GLG1: variants seen among roughly 807,000 people sequenced by gnomAD.
GLG1 encodes Golgi apparatus protein 1.
A neutral mutation model predicts 160.5 loss-of-function variants in GLG1; 38 were observed. That is an observed-to-expected ratio of 0.24 (90% CI 0.18 to 0.31). The LOEUF (loss-of-function observed/expected upper bound fraction) is 0.31, where lower values mean the gene tolerates loss of function less well. Among genes scored for constraint, GLG1 ranks in the 10% least tolerant of loss-of-function variants. The pLI, the probability that GLG1 is intolerant of heterozygous loss-of-function variation, is 1.00. For synonymous variants in GLG1, 644 were observed against 543.4 expected, an observed-to-expected ratio of 1.19 and a Z score of -2.57; for missense variants, 1,373 against 1,505.2, an observed-to-expected ratio of 0.91 and a Z score of 1.45.
chr16:74,506,792 G>C (rs1034395000), intron 3 of GLG1, among the ~76,000 whole-genome samples: 4 of 151,992 alleles, frequency 2.6e-5, no homozygotes, highest in African/African-American at 9.7e-5. Context: ...CATTCTGCTG[G>C]ATAGCACTTT....
At position 74,581,159 on chromosome 16, in the gene GLG1, T is replaced by C. The variant is rs575419760; in HGVS notation, c.438+25498A>G. On this transcript the variant is annotated intron_variant, in intron 1 of 25. Coordinates refer to ENST00000422840, the MANE Select transcript of GLG1 (RefSeq NM_001145667.2). ...CTACTGGGTATATACCAAAAAAAAG[T>C]GAACACAGGGTCTCAAAGAGATATT... 1.4e-3 allele frequency among the ~76,000 whole-genome samples: 213 copies of C among 152,172 alleles called. 1 individual carries two copies. The highest frequency in any genetic ancestry group is 0.01 in the Middle Eastern group (3 of 294).
chr16:74,589,388 C>T (rs758836876), intron 1 of GLG1, among the ~76,000 whole-genome samples: 1 of 152,156 alleles, frequency 6.6e-6, no homozygotes, highest in Non-Finnish European at 1.5e-5. Context: ...ATGCCTAAAG[C>T]AGACCTAGCT....
At chr16:74,520,923 C>T (rs1395070585) in intron 2 of GLG1, among the ~76,000 whole-genome samples, 1 of 152,034 alleles carries the variant, frequency 6.6e-6, no homozygotes, top group Non-Finnish European at 1.5e-5. Flanking sequence ...AGGACAACAG[C>T]CTTCAAGGAG....
chr16:74,492,997 G>C lies in GLG1; in HGVS notation c.1194C>G (p.Leu398=), dbSNP rs750765586. 4 of 1,613,592 alleles carry C rather than the reference G, an allele frequency of 2.5e-6. No individual in the cohort carries two copies. Among genetic ancestry groups the C allele is most frequent in the East Asian group, 2.2e-5 (1 of 44,862 alleles). ...ACTCCAGGCACATTAACAAGTAGGA[G>C]AGCCTGGCTTCACGCGATCGCGGAA... ...ENLPRSREAR[L]SYLLMCLESA... Residue 398 remains leucine (L), a synonymous_variant, in exon 7 of 26, where the codon CTC becomes CTG. Coordinates refer to ENST00000422840, the MANE Select transcript of GLG1 (RefSeq NM_001145667.2).
At chr16:74,472,634 C>G (rs756336096) in intron 13 of GLG1, 1 of 1,325,336 alleles carries the variant, frequency 7.5e-7, no homozygotes, top group South Asian at 1.3e-5. Context: ...TCCCTTTCGG[C>G]CTGAACAAAT....
intron 1 of GLG1, among the ~76,000 whole-genome samples, chr16:74,533,539 G>A (rs953409494): frequency 1.3e-5 from 2 of 152,148 alleles, no homozygotes; most frequent in African/African-American, 2.4e-5. Flanking sequence ...CCAGCACTTT[G>A]GGAGGCCGAG....
chr16:74,519,662 G>C (rs2017098041), intron 2 of GLG1, among the ~76,000 whole-genome samples: 1 of 151,776 alleles, frequency 6.6e-6, no homozygotes, highest in African/African-American at 2.4e-5. Context: ...GAGTCAAACG[G>C]TTCTATAAAG....
At chr16:74,496,725 C>CACAT (rs1555510093) in intron 4 of GLG1, 81 bp from the exon 5 acceptor site, 1 of 742,384 alleles carries the variant, frequency 1.3e-6, no homozygotes, top group Admixed American at 1.9e-5. Context: ...CACACACACA[C>CACAT]ACACACACAC....
chr16:74,487,264 T>C (rs1428371197), intron 8 of GLG1, among the ~76,000 whole-genome samples: 1 of 152,100 alleles, frequency 6.6e-6, no homozygotes, highest in Non-Finnish European at 1.5e-5. Context: ...CCTTACTGGT[T>C]TGCGTTCCCT....
At chr16:74,495,557 G>T (rs543276574) in intron 5 of GLG1, among the ~76,000 whole-genome samples, 76 of 152,330 alleles carry the variant, frequency 5.0e-4, no homozygotes, top group African/African-American at 1.7e-3. Flanking sequence ...TGTAAGGATG[G>T]AGAGACCATT....
chr16:74,487,004 C>A (rs905184184), intron 8 of GLG1, among the ~76,000 whole-genome samples: 1 of 151,258 alleles, frequency 6.6e-6, no homozygotes. Flanking sequence ...ACCTCCACTT[C>A]CCGGGTTCAA....
intron 1 of GLG1, among the ~76,000 whole-genome samples, chr16:74,550,992 T>C (rs1290231915): frequency 2.0e-5 from 3 of 152,162 alleles, no homozygotes; most frequent in African/African-American, 7.2e-5. Context: ...AGAGCAACCC[T>C]GGAAATATTC....
intron 4 of GLG1, among the ~76,000 whole-genome samples, chr16:74,502,540 A>C (rs1303364468): frequency 1.3e-5 from 2 of 151,472 alleles, no homozygotes; most frequent in Non-Finnish European, 2.9e-5. Flanking sequence ...TGTGCTAAGT[A>C]ATTTTTTTTT....
chr16:74,502,363 G>A (rs1263959955), intron 4 of GLG1, among the ~76,000 whole-genome samples: 1 of 152,146 alleles, frequency 6.6e-6, no homozygotes, highest in African/African-American at 2.4e-5. Flanking sequence ...TGTGGAAGAA[G>A]AAACTAGCTA....
intron 8 of GLG1, among the ~76,000 whole-genome samples, chr16:74,486,274 G>C (rs2015782863): frequency 6.6e-6 from 1 of 152,156 alleles, no homozygotes; most frequent in African/African-American, 2.4e-5. Flanking sequence ...GATTTAAGTG[G>C]AAAAGAGTAA....
rs1268239393 is a variant in GLG1, at chr16:74,451,550, GC to G, written c.*1616del. On this transcript the variant is annotated 3_prime_UTR_variant, in exon 26 of 26. Coordinates refer to ENST00000422840, the MANE Select transcript of GLG1 (RefSeq NM_001145667.2). ...CGGTCCTGCAGTGCACGTGGACTGTGCAGAGCAGAGGCAAGAGTGGGGGGCG... is the reference window on the plus strand; with the variant it reads ...CGGTCCTGCAGTGCACGTGGACTGTGAGAGCAGAGGCAAGAGTGGGGGGCG... 5.9e-6 allele frequency: 1 copy of G among 170,718 alleles called. No homozygotes were observed. The highest frequency in any genetic ancestry group is 1.3e-5 in the Non-Finnish European group (1 of 78,304). The allele number at this position is 170,718 out of a possible 1,614,324, so 10.6% of individuals were successfully genotyped here. A position where few individuals can be genotyped will look rare whatever the true frequency, so the allele number is the denominator to read the frequency against.
intron 1 of GLG1, among the ~76,000 whole-genome samples, chr16:74,539,073 GA>G (rs1315078227): frequency 6.6e-6 from 1 of 150,684 alleles, no homozygotes; most frequent in Non-Finnish European, 1.5e-5. Context: ...CGATGGCTGA[GA>G]AAGTGAGGGA....
chr16:74,605,179 C>T (rs563582159), intron 1 of GLG1, among the ~76,000 whole-genome samples: 2 of 152,028 alleles, frequency 1.3e-5, no homozygotes, highest in South Asian at 4.2e-4. Context: ...TTGGTCCCTC[C>T]ACCTCCCCCC....
chr16:74,472,254 C>T (rs2015234739), intron 14 of GLG1, 95 bp downstream of exon 14: 4 of 830,578 alleles, frequency 4.8e-6, no homozygotes, highest in South Asian at 2.9e-5. Flanking sequence ...AAGAGTAATA[C>T]ATGCTGCAGA....
Sources: allele counts gnomAD v4.1 joint callset (sites outside exome capture counted in the v4.1 genomes callset), GRCh38; gene constraint gnomAD v4.1.1; transcripts MANE v1.5; gene names NCBI Gene and HGNC (gene_info 2026-07-23, HGNC 2026-07-21).